The following WDFY2 variants were observed in gnomAD, a reference collection of about 807,000 sequenced individuals.
WDFY2 encodes WD repeat and FYVE domain containing 2.
WDFY2 carries 36 observed loss-of-function variants against 56.4 expected under a neutral mutation model. The observed-to-expected ratio is 0.64, with a 90% confidence interval of 0.49 to 0.84. The LOEUF (loss-of-function observed/expected upper bound fraction) is 0.84. Ranked by LOEUF, WDFY2 falls within the 40% of genes least tolerant of loss-of-function variation. The pLI, the probability that WDFY2 is intolerant of heterozygous loss-of-function variation, is 0.00. For missense variants in WDFY2, 444 were observed against 512.2 expected (o/e 0.87, Z 1.29); for synonymous variants, 176 against 183.7 (o/e 0.96, Z 0.34).
intron 1 of WDFY2, among the ~76,000 whole-genome samples, chr13:51,634,862 T>C (rs1955015981): frequency 6.6e-6 from 1 of 152,018 alleles, no homozygotes; most frequent in African/African-American, 2.4e-5. Flanking sequence ...TAGGTCAGAG[T>C]TGGAGTAGAG....
intron 4 of WDFY2, among the ~76,000 whole-genome samples, chr13:51,709,827 C>T (rs1356020770): frequency 6.6e-6 from 1 of 152,084 alleles, no homozygotes; most frequent in East Asian, 1.9e-4. Flanking sequence ...CAGGACCAGA[C>T]GGATTCACAG....
At chr13:51,622,384 A>C (rs576271499) in intron 1 of WDFY2, among the ~76,000 whole-genome samples, 1 of 152,234 alleles carries the variant, frequency 6.6e-6, no homozygotes, top group Non-Finnish European at 1.5e-5. Context: ...TTATAAGCCC[A>C]CATACATTTC....
chr13:51,719,383 A>G lies in WDFY2; in HGVS notation c.485+35A>G, dbSNP rs536968051. The G allele has an allele frequency of 2.6e-5, 39 of 1,529,364 alleles. No individual in the cohort carries two copies. The Admixed American group carries it at 3.6e-4, about 14-fold the overall frequency. 94.7% of individuals were successfully genotyped at this position (1,529,364 alleles called of 1,614,324 possible). A position where few individuals can be genotyped will look rare whatever the true frequency, so the allele number is the denominator to read the frequency against. On this transcript the variant is annotated intron_variant, in intron 5 of 11. Transcript: ENST00000298125. The stretch of plus-strand genomic sequence containing the variant: ...GCTGGACAAAAATCTCTTAGTGGGA[A>G]CTTAACTGTTGTTCTCTTTGATTCA...
intron 4 of WDFY2, among the ~76,000 whole-genome samples, chr13:51,707,971 T>C (rs1738041005): frequency 7.7e-6 from 1 of 129,436 alleles, no homozygotes; most frequent in Non-Finnish European, 1.6e-5. Context: ...TTTTTTTTTT[T>C]GGAGACTGAG....
At chr13:51,592,816 T>C (rs953585700) in intron 1 of WDFY2, among the ~76,000 whole-genome samples, 1 of 152,088 alleles carries the variant, frequency 6.6e-6, no homozygotes, top group Non-Finnish European at 1.5e-5. Flanking sequence ...GGAGTATGTT[T>C]ACATTTTAAA....
chr13:51,602,955 G>T (rs887241619), intron 1 of WDFY2, among the ~76,000 whole-genome samples: 1 of 152,066 alleles, frequency 6.6e-6, no homozygotes, highest in African/African-American at 2.4e-5. Flanking sequence ...CGCTTGTATT[G>T]CAGGATTGCC....
At chr13:51,700,247 T>G (rs1435983088) in intron 3 of WDFY2, among the ~76,000 whole-genome samples, 1 of 152,232 alleles carries the variant, frequency 6.6e-6, no homozygotes, top group Non-Finnish European at 1.5e-5. Context: ...TATCCTATAT[T>G]GTTTGATGTA....
intron 1 of WDFY2, chr13:51,590,916 A>G (rs1219749342): frequency 6.6e-6 from 1 of 152,198 alleles, no homozygotes; most frequent in Non-Finnish European, 1.5e-5. Flanking sequence ...GAAACTAACC[A>G]GTAAGACCAA....
intron 3 of WDFY2, among the ~76,000 whole-genome samples, chr13:51,697,681 A>C (rs1489256006): frequency 6.6e-6 from 1 of 152,122 alleles, no homozygotes; most frequent in Non-Finnish European, 1.5e-5. Context: ...AATTAGGTAA[A>C]ATTCTTTATT....
chr13:51,652,921 C>G (rs1955424401), intron 1 of WDFY2, among the ~76,000 whole-genome samples: 2 of 152,172 alleles, frequency 1.3e-5, no homozygotes, highest in East Asian at 1.9e-4. Context: ...TTGTGGTGTT[C>G]TCTGTATTTC....
At chr13:51,635,457 A>G (rs1235993871) in intron 1 of WDFY2, among the ~76,000 whole-genome samples, 1 of 152,226 alleles carries the variant, frequency 6.6e-6, no homozygotes, top group Non-Finnish European at 1.5e-5. Context: ...CTAAATGCCT[A>G]TAAGCCATTT....
intron 3 of WDFY2, among the ~76,000 whole-genome samples, chr13:51,696,392 A>G (rs1289283851): frequency 6.6e-6 from 1 of 152,246 alleles, no homozygotes; most frequent in Non-Finnish European, 1.5e-5. Flanking sequence ...ATGTTCATCT[A>G]GCTACATTTT....
chr13:51,656,456 G>T (rs778544346), intron 1 of WDFY2, among the ~76,000 whole-genome samples: 5 of 151,978 alleles, frequency 3.3e-5, no homozygotes, highest in Non-Finnish European at 5.9e-5. Context: ...AGAAAAACAT[G>T]TATGTTCTGT....
chr13:51,643,016 C>G (rs1383441014), intron 1 of WDFY2, among the ~76,000 whole-genome samples: 1 of 152,128 alleles, frequency 6.6e-6, no homozygotes, highest in Non-Finnish European at 1.5e-5. Context: ...TTTGGCAACT[C>G]TATGAAGACT....
intron 3 of WDFY2, among the ~76,000 whole-genome samples, chr13:51,677,730 C>CA (rs1593404200): frequency 6.6e-6 from 1 of 152,004 alleles, no homozygotes; most frequent in East Asian, 1.9e-4. Context: ...ACCATTCTTT[C>CA]AAAAAATGTG....
chr13:51,762,976 G>T lies in WDFY2; in HGVS notation c.*3207G>T, dbSNP rs188191091. 1.3e-5 allele frequency: 2 copies of T among 152,148 alleles called. No individual in the cohort carries two copies. Among genetic ancestry groups the T allele is most frequent in the Non-Finnish European group, 2.9e-5 (2 of 68,018 alleles). The allele number at this position is 152,148 out of a possible 1,614,324, so 9.4% of individuals were successfully genotyped here. ...TGAGATTAAGCATTTGGAATCTTAT[G>T]TCATTTTGTATGGGGTCAATCCACC... On this transcript the variant is annotated 3_prime_UTR_variant, in exon 12 of 12. Transcript: ENST00000298125.
At chr13:51,611,341 C>G (rs538083108) in intron 1 of WDFY2, among the ~76,000 whole-genome samples, 1 of 152,208 alleles carries the variant, frequency 6.6e-6, no homozygotes, top group Non-Finnish European at 1.5e-5. Context: ...TCACATTTTA[C>G]TGTGTTAGAA....
intron 4 of WDFY2, among the ~76,000 whole-genome samples, chr13:51,709,661 A>G (rs1489296437): frequency 2.0e-5 from 3 of 152,210 alleles, no homozygotes; most frequent in Non-Finnish European, 4.4e-5. Context: ...CAACACCTCT[A>G]TGCAAATAAA....
chr13:51,689,695 C>T (rs938076532), intron 3 of WDFY2, among the ~76,000 whole-genome samples: 5 of 151,834 alleles, frequency 3.3e-5, no homozygotes, highest in Non-Finnish European at 7.3e-5. Flanking sequence ...GAAAAAGGCA[C>T]GTACCCTCTG....
Sources: allele counts gnomAD v4.1 joint callset (sites outside exome capture counted in the v4.1 genomes callset), GRCh38; gene constraint gnomAD v4.1.1; transcripts MANE v1.5; gene names NCBI Gene and HGNC (gene_info 2026-07-23, HGNC 2026-07-21).